The following ROBO2 variants were observed in gnomAD, a reference collection of about 807,000 sequenced individuals.
ROBO2 encodes roundabout homolog 2.
ROBO2 carries 53 observed loss-of-function variants against 160.8 expected under a neutral mutation model. The ratio of observed to expected loss-of-function variants is 0.33; its 90% CI spans 0.26 to 0.41. The LOEUF is 0.41. ROBO2 is among the 10% of genes least tolerant of loss of function. The pLI is 1.00. For missense variants in ROBO2, 1,577 were observed against 1,722.4 expected (o/e 0.92, Z 1.49); for synonymous variants, 664 against 611.7 (o/e 1.09, Z -1.26).
intron 4 of ROBO2, among the ~76,000 whole-genome samples, chr3:77,490,573 T>C (rs1404500392): frequency 6.6e-6 from 1 of 152,184 alleles, no homozygotes; most frequent in African/African-American, 2.4e-5. Context: ...CTTTATCTCA[T>C]TGAAAATTTA....
At chr3:76,793,670 A>G (rs1479497461) in intron 2 of ROBO2, among the ~76,000 whole-genome samples, 1 of 151,798 alleles carries the variant, frequency 6.6e-6, no homozygotes, top group Non-Finnish European at 1.5e-5. Flanking sequence ...ACATATGTAT[A>G]CATGTGCCAT....
At chr3:76,252,375 T>G (rs1249047497) in intron 2 of ROBO2, among the ~76,000 whole-genome samples, 1 of 152,126 alleles carries the variant, frequency 6.6e-6, no homozygotes, top group Non-Finnish European at 1.5e-5. Flanking sequence ...CTCAAACGTA[T>G]TTGATGCTGC....
intron 6 of ROBO2, among the ~76,000 whole-genome samples, chr3:77,543,779 A>G (rs2092583326): frequency 6.6e-6 from 1 of 152,150 alleles, no homozygotes; most frequent in Non-Finnish European, 1.5e-5. Flanking sequence ...TGTATAGAGT[A>G]TCCAGGACTC....
chr3:77,602,297 C>A, exon 20 of ROBO2: 1 of 1,614,160 alleles, frequency 6.2e-7, no homozygotes, highest in Non-Finnish European at 8.5e-7. Context: ...GACTTCACTA[C>A]CAAAACCAGT....
At chr3:76,046,728 C>T (rs1050021777) in intron 2 of ROBO2, among the ~76,000 whole-genome samples, 2 of 152,032 alleles carry the variant, frequency 1.3e-5, no homozygotes, top group African/African-American at 4.8e-5. Context: ...CTACTTTGGT[C>T]CTCATAAAAC....
intron 2 of ROBO2, among the ~76,000 whole-genome samples, chr3:76,127,956 C>T (rs187096417): frequency 3.1e-5 from 4 of 131,038 alleles, no homozygotes; most frequent in African/African-American, 8.7e-5. Flanking sequence ...AGTGCAGTGG[C>T]GTGATCTCTG....
chr3:77,056,336 T>C (rs1298574093), intron 1 of ROBO2, among the ~76,000 whole-genome samples: 1 of 152,200 alleles, frequency 6.6e-6, no homozygotes, highest in East Asian at 1.9e-4. Context: ...TGGTAGAGTT[T>C]ATAAAGACCT....
intron 2 of ROBO2, among the ~76,000 whole-genome samples, chr3:76,670,821 T>C (rs1287905108): frequency 1.3e-5 from 2 of 151,908 alleles, no homozygotes; most frequent in African/African-American, 4.8e-5. Context: ...GTATTCAGCC[T>C]TTAGAGATGA....
At chr3:76,440,086 A>T (rs1577200077) in intron 2 of ROBO2, among the ~76,000 whole-genome samples, 1 of 152,190 alleles carries the variant, frequency 6.6e-6, no homozygotes, top group Non-Finnish European at 1.5e-5. Flanking sequence ...ACCATGGATG[A>T]ATCCTGTCTC....
At chr3:77,458,033 A>G (rs1436413959) in intron 2 of ROBO2, among the ~76,000 whole-genome samples, 1 of 152,178 alleles carries the variant, frequency 6.6e-6, no homozygotes, top group African/African-American at 2.4e-5. Flanking sequence ...TTTGCCAGGT[A>G]TGTGCTAAAT....
intron 2 of ROBO2, among the ~76,000 whole-genome samples, chr3:76,998,892 CT>C (rs769409899): frequency 6.6e-6 from 1 of 152,130 alleles, no homozygotes; most frequent in Non-Finnish European, 1.5e-5. Context: ...TAGTAAAACA[CT>C]TTTTAATGGA....
At chr3:77,192,078 ATTAT>A (rs1344370544) in intron 2 of ROBO2, among the ~76,000 whole-genome samples, 15 of 152,186 alleles carry the variant, frequency 9.9e-5, no homozygotes, top group African/African-American at 3.6e-4. Context: ...GCAATGTAAC[ATTAT>A]TTAGCGAAGT....
chr3:77,591,033 T>C (rs1246300288), intron 17 of ROBO2, among the ~76,000 whole-genome samples: 1 of 152,090 alleles, frequency 6.6e-6, no homozygotes, highest in African/African-American at 2.4e-5. Context: ...GATGGCTCAC[T>C]ATGAAGATAA....
At chr3:76,047,083 A>C in intron 2 of ROBO2, among the ~76,000 whole-genome samples, 1 of 152,202 alleles carries the variant, frequency 6.6e-6, no homozygotes, top group Non-Finnish European at 1.5e-5. Context: ...TAGGATCTCT[A>C]TCGATGCTGT....
At chr3:76,331,705 T>C (rs796142588) in intron 2 of ROBO2, among the ~76,000 whole-genome samples, 27 of 130,812 alleles carry the variant, frequency 2.1e-4, no homozygotes, top group African/African-American at 7.1e-4. Context: ...TTTTTTTTTT[T>C]CGAGACGTAA....
At chr3:77,002,894 T>C (rs1418771467) in intron 2 of ROBO2, among the ~76,000 whole-genome samples, 1 of 152,162 alleles carries the variant, frequency 6.6e-6, no homozygotes, top group Non-Finnish European at 1.5e-5. Flanking sequence ...AACATTCATG[T>C]ATAATGACAA....
intron 2 of ROBO2, among the ~76,000 whole-genome samples, chr3:76,560,826 A>ATTTACTG (rs2108487728): frequency 6.7e-6 from 1 of 149,794 alleles, no homozygotes; most frequent in South Asian, 2.1e-4. Flanking sequence ...AAACCAACTG[A>ATTTACTG]TTTACTGGCC....
At chr3:76,526,683 A>T (rs2081965557) in intron 2 of ROBO2, among the ~76,000 whole-genome samples, 1 of 151,984 alleles carries the variant, frequency 6.6e-6, no homozygotes, top group Non-Finnish European at 1.5e-5. Context: ...GATATATTTT[A>T]TTCAGCTGAA....
intron 2 of ROBO2, among the ~76,000 whole-genome samples, chr3:76,079,062 A>G (rs996018264): frequency 1.3e-5 from 2 of 152,204 alleles, no homozygotes; most frequent in East Asian, 1.9e-4. Flanking sequence ...AGAATGACCA[A>G]TATCTCATGT....
Sources: allele counts gnomAD v4.1 joint callset (sites outside exome capture counted in the v4.1 genomes callset), GRCh38; gene constraint gnomAD v4.1.1; transcripts MANE v1.5; gene names NCBI Gene and HGNC (gene_info 2026-07-23, HGNC 2026-07-21).